CDH23: variants seen among roughly 807,000 people sequenced by gnomAD.
CDH23 encodes the protein cadherin related 23.
A neutral mutation model predicts 317.1 loss-of-function variants in CDH23; 189 were observed. That is an observed-to-expected ratio of 0.60 (90% confidence interval 0.53 to 0.67). The LOEUF is 0.67. CDH23 is among the 30% of genes least tolerant of loss of function. CDH23 has a pLI of 0.00. For missense variants in CDH23, 4,401 were observed against 4,592.4 expected (o/e 0.96, Z 1.20); for synonymous variants, 1,839 against 1,876.8 (o/e 0.98, Z 0.52).
At chr10:71,484,724 G>GT (rs894704899) in intron 3 of CDH23, among the ~76,000 whole-genome samples, 3 of 152,178 alleles carry the variant, frequency 2.0e-5, no homozygotes, top group Non-Finnish European at 4.4e-5. Context: ...TGTGTCTAAA[G>GT]TTTTTTTCAT....
chr10:71,744,353 T>G (rs1232052924), intron 38 of CDH23, among the ~76,000 whole-genome samples: 4 of 152,060 alleles, frequency 2.6e-5, no homozygotes, highest in Admixed American at 1.3e-4. Context: ...ATCGGTGGAA[T>G]CCATAACATT....
intron 3 of CDH23, among the ~76,000 whole-genome samples, chr10:71,499,056 T>C (rs917948457): frequency 2.6e-5 from 4 of 152,226 alleles, no homozygotes; most frequent in African/African-American, 9.7e-5. Context: ...ATATACACAA[T>C]GGAATACTAT....
intron 3 of CDH23, among the ~76,000 whole-genome samples, chr10:71,446,803 G>T (rs1252481341): frequency 6.6e-6 from 1 of 152,330 alleles, no homozygotes; most frequent in African/African-American, 2.4e-5. Flanking sequence ...TTTAGGGGGT[G>T]ATTATAAACA....
At chr10:71,701,415 C>CT (rs1564742003) in intron 22 of CDH23, among the ~76,000 whole-genome samples, 2 of 152,070 alleles carry the variant, frequency 1.3e-5, no homozygotes. Context: ...GGTTCACCGC[C>CT]CCTGGGTTAG....
intron 3 of CDH23, among the ~76,000 whole-genome samples, chr10:71,492,954 C>T (rs1442130337): frequency 2.0e-5 from 3 of 152,194 alleles, no homozygotes; most frequent in Non-Finnish European, 4.4e-5. Context: ...GGGCAACTTG[C>T]CTAGGCTACA....
rs769588367 is a variant in CDH23 at position 71,812,609 on chromosome 10, T to C, written c.9510T>C (p.His3170=). The C allele has an allele frequency of 3.1e-6, 5 of 1,613,690 alleles. No homozygotes were observed. The highest frequency in any genetic ancestry group is 3.4e-6 in the Non-Finnish European group (4 of 1,179,888). The change falls in exon 67 of 70, where the codon CAT becomes CAC. Residue 3170 remains histidine, a splice_region_variant and synonymous_variant. Coordinates refer to ENST00000224721, the MANE Select transcript of CDH23 (RefSeq NM_022124.6). ...TGTGGAACAGCCCCACGCGCACCCA[T>C]GTGAGCCAGAGGCGGTCAGGCATCA... The part of the protein sequence containing the change: ...ADLWNSPTRT[H]GTFGREPAAV...
chr10:71,612,356 G>A (rs1860955437), intron 9 of CDH23, among the ~76,000 whole-genome samples: 1 of 152,034 alleles, frequency 6.6e-6, no homozygotes. Context: ...GGTGTCTTAT[G>A]TGCTGGGGAC....
intron 3 of CDH23, among the ~76,000 whole-genome samples, chr10:71,457,590 T>C (rs1330195963): frequency 6.6e-6 from 1 of 152,146 alleles, no homozygotes; most frequent in Non-Finnish European, 1.5e-5. Flanking sequence ...AAGGAGCAGC[T>C]GCTCCTAAGG....
rs768067666 is a variant in CDH23 at position 71,730,496 on chromosome 10, G to A, written c.3607G>A (p.Asp1203Asn). 11 of 1,613,782 alleles carry A rather than the reference G, an allele frequency of 6.8e-6. No homozygotes were observed. Among genetic ancestry groups the A allele is most frequent in the Admixed American group, 3.3e-5 (2 of 60,004 alleles). ...RVIVYVEDIN[D>N]EAPVFTQQQY... ...GATTGTGTACGTGGAGGACATCAAC[G>A]ATGAGGCCCCCGTGTTCACACAGCA... is the stretch of plus-strand genomic sequence containing the variant. Residue 1203 changes from aspartate to asparagine, a missense_variant, in exon 31 of 70, where the codon GAT becomes AAT. This residue lies in a region of CDH23 where 3,068 missense variants were observed against 3,203.3 expected (regional missense o/e 0.96). Transcript: ENST00000224721.
chr10:71,682,072 G>A (rs1864675995), intron 17 of CDH23, among the ~76,000 whole-genome samples: 1 of 152,124 alleles, frequency 6.6e-6, no homozygotes. Flanking sequence ...AGACAGACAA[G>A]CAGACAGGAG....
chr10:71,646,047 G>A, intron 13 of CDH23, 67 bp downstream of exon 13: 2 of 1,559,930 alleles, frequency 1.3e-6, no homozygotes, highest in Admixed American at 2.0e-5. Context: ...GCGAGGGTAG[G>A]GTAGAAGATT....
chr10:71,745,271 G>A (rs1839827125), intron 38 of CDH23, among the ~76,000 whole-genome samples: 1 of 152,234 alleles, frequency 6.6e-6, no homozygotes, highest in Admixed American at 6.5e-5. Context: ...GGTGACACCT[G>A]GGCCGAGTCT....
rs552053222 is a variant in CDH23 at position 71,572,696 on chromosome 10, C to T, written c.753+1778C>T. 4.6e-5 allele frequency among the ~76,000 whole-genome samples: 7 copies of T among 152,306 alleles called. No individual in the cohort carries two copies. The South Asian group carries it at 1.0e-3, about 23-fold the overall frequency. ...CTTATAATTTTTTCCCTGGCTTCTT[C>T]CCTATCCGTCCCAGAGATAGCAACT... On this transcript the variant is annotated intron_variant, in intron 8 of 69. Transcript: ENST00000224721.
At chr10:71,476,707 C>T (rs1038000109) in intron 3 of CDH23, among the ~76,000 whole-genome samples, 3 of 152,182 alleles carry the variant, frequency 2.0e-5, no homozygotes, top group East Asian at 1.9e-4. Flanking sequence ...CCTGGATATA[C>T]GAGTTAAAGA....
chr10:71,532,159 A>G (rs1855409988), intron 6 of CDH23, among the ~76,000 whole-genome samples: 1 of 151,800 alleles, frequency 6.6e-6, no homozygotes, highest in Non-Finnish European at 1.5e-5. Context: ...GGACCTTTGC[A>G]GGAAGCCCAG....
At chr10:71,675,903 C>CAT in intron 15 of CDH23, among the ~76,000 whole-genome samples, 1 of 120,852 alleles carries the variant, frequency 8.3e-6, no homozygotes, top group Middle Eastern at 4.3e-3. Flanking sequence ...AGCCCTCTAA[C>CAT]TTTTTTTTTT....
chr10:71,546,076 T>C (rs2132300322), intron 6 of CDH23, among the ~76,000 whole-genome samples: 1 of 152,048 alleles, frequency 6.6e-6, no homozygotes, highest in Non-Finnish European at 1.5e-5. Flanking sequence ...TCATTTCCCC[T>C]CTGATCTGAT....
intron 11 of CDH23, among the ~76,000 whole-genome samples, chr10:71,620,626 A>G (rs1489802368): frequency 6.6e-6 from 1 of 152,150 alleles, no homozygotes; most frequent in Non-Finnish European, 1.5e-5. Context: ...CAACCCCACC[A>G]GGGACCATTC....
chr10:71,609,251 C>T (rs937927992), intron 9 of CDH23, among the ~76,000 whole-genome samples: 1 of 151,630 alleles, frequency 6.6e-6, no homozygotes, highest in Admixed American at 6.6e-5. Flanking sequence ...CAACATCAGA[C>T]CTTCTACCCC....
Sources: allele counts gnomAD v4.1 joint callset (sites outside exome capture counted in the v4.1 genomes callset), GRCh38; gene constraint gnomAD v4.1.1; regional missense constraint gnomAD v4.1.1; transcripts MANE v1.5; gene names NCBI Gene and HGNC (gene_info 2026-07-23, HGNC 2026-07-21).